ST7: variants seen among roughly 807,000 people sequenced by gnomAD.
The protein encoded by ST7 is suppressor of tumorigenicity 7 protein.
A neutral mutation model predicts 78.7 loss-of-function variants in ST7; 28 were observed. The observed-to-expected ratio is 0.36, with a 90% confidence interval of 0.26 to 0.49. ST7 has a LOEUF of 0.49. ST7 is among the 20% of genes least tolerant of loss of function. ST7 has a pLI of 0.99. For synonymous variants in ST7, 247 were observed against 249.6 expected, an observed-to-expected ratio of 0.99 and a Z score of 0.10; for missense variants, 418 against 696.0, an observed-to-expected ratio of 0.60 and a Z score of 4.49.
chr7:117,123,694 G>A (rs1398432266), intron 3 of ST7, among the ~76,000 whole-genome samples: 2 of 152,222 alleles, frequency 1.3e-5, no homozygotes, highest in East Asian at 1.9e-4. Context: ...ATGATAAATA[G>A]GCATTTAAAA....
intron 1 of ST7, among the ~76,000 whole-genome samples, chr7:116,976,706 C>A (rs752208358): frequency 1.3e-5 from 2 of 152,142 alleles, no homozygotes; most frequent in Non-Finnish European, 2.9e-5. Flanking sequence ...AGTTATCTGG[C>A]AATGATGTGG....
Position 117,069,942 on chromosome 7 carries a change from C to T in ST7, c.152-29820C>T, listed in dbSNP as rs1350352348. On this transcript the variant is annotated intron_variant, in intron 1 of 15. Coordinates refer to ENST00000323984, the MANE Select transcript of ST7 (RefSeq NM_001369598.1). The stretch of plus-strand genomic sequence containing the variant: ...AAATTAGGTTAATTTTGCACTTTAC[C>T]CTGCAATATATCCGTGATTACTTTA... Among the ~76,000 whole-genome samples, 4 of 152,242 alleles carry T rather than the reference C, an allele frequency of 2.6e-5. 1 individual carries two copies. In the South Asian group the frequency reaches 6.2e-4, roughly 24 times the overall value.
At position 117,138,289 on chromosome 7, in the gene ST7, A is replaced by T. The variant is rs1196608209; in HGVS notation, c.866-146A>T. 5 of 519,224 alleles carry T rather than the reference A, an allele frequency of 9.6e-6. No homozygotes were observed. In the East Asian group the frequency reaches 1.5e-4, roughly 16 times the overall value. The allele number at this position is 519,224 out of a possible 1,614,324, so 32.2% of individuals were successfully genotyped here. ...TTAGTCAGATGATTTGACCTTTGGG[A>T]GTCTAAGTGCTTTTACTTTACTTGA... On this transcript the variant is annotated intron_variant, in intron 8 of 15. Coordinates refer to ENST00000323984, the MANE Select transcript of ST7 (RefSeq NM_001369598.1).
rs1336006676 is a variant in ST7 at position 117,136,149 on chromosome 7, T to G, written c.779T>G (p.Phe260Cys). Residue 260 changes from phenylalanine (F) to cysteine (C), a missense_variant, in exon 8 of 16, where the codon TTT (phenylalanine) becomes TGT (cysteine). Physicochemically the swap from Phe to Cys is radical, Grantham distance 205 (BLOSUM62 -2). Transcript: ENST00000323984. ...ATTIAEAEKLFKQALKAGDGC... is the reference protein window; with the variant it reads ...ATTIAEAEKLCKQALKAGDGC... The stretch of plus-strand genomic sequence containing the variant: ...ACCATTGCTGAAGCAGAAAAATTAT[T>G]TAAGCAGGCCCTGAAGGCTGGAGAT... 2 of 1,613,464 alleles carry G rather than the reference T, an allele frequency of 1.2e-6. No individual in the cohort carries two copies. Among genetic ancestry groups the G allele is most frequent in the Non-Finnish European group, 1.7e-6 (2 of 1,179,694 alleles).
intron 12 of ST7, among the ~76,000 whole-genome samples, chr7:117,194,773 T>G (rs1051938281): frequency 6.6e-6 from 1 of 152,198 alleles, no homozygotes; most frequent in African/African-American, 2.4e-5. Flanking sequence ...TGCTGCATGC[T>G]CACTCTGCTC....
At chr7:117,040,962 C>T (rs945184340) in intron 1 of ST7, among the ~76,000 whole-genome samples, 1 of 152,150 alleles carries the variant, frequency 6.6e-6, no homozygotes, top group Non-Finnish European at 1.5e-5. Flanking sequence ...CTCTTCTTCC[C>T]TACTTCCTTC....
At chr7:116,977,779 C>A (rs1258473149) in intron 1 of ST7, among the ~76,000 whole-genome samples, 1 of 152,222 alleles carries the variant, frequency 6.6e-6, no homozygotes, top group Non-Finnish European at 1.5e-5. Flanking sequence ...GTCTCGATCT[C>A]TTGACCTCAT....
At position 117,219,030 on chromosome 7, in the gene ST7, G is replaced by C; in HGVS notation, c.1406-54G>C. ...GCTCAAACGCCCCTTTTTGCAGTTG[G>C]GAAGTTATGACACAAACATTGGACA... On this transcript the variant is annotated intron_variant, in intron 13 of 15. Coordinates refer to ENST00000323984, the MANE Select transcript of ST7 (RefSeq NM_001369598.1). The surrounding 1 kb of genome is among the most constrained non-coding windows in gnomAD (Gnocchi z 5.1). 2 of 1,464,970 alleles carry C rather than the reference G, an allele frequency of 1.4e-6. No homozygotes were observed. The highest frequency in any genetic ancestry group is 1.9e-6 in the Non-Finnish European group (2 of 1,061,452). The allele number at this position is 1,464,970 out of a possible 1,614,324, so 90.7% of individuals were successfully genotyped here.
chr7:116,997,955 C>A (rs879571944), intron 1 of ST7, among the ~76,000 whole-genome samples: 1 of 152,270 alleles, frequency 6.6e-6, no homozygotes, highest in Non-Finnish European at 1.5e-5. Flanking sequence ...CGCACTGGGG[C>A]TGCAGGTGGA....
In ST7 at chr7:117,020,644, C is replaced by A. The variant is rs1265850293; in HGVS notation, c.151+66953C>A. The A allele has an allele frequency of 1.5e-5, 24 of 1,550,820 alleles. No homozygotes were observed. The East Asian group carries it at 5.9e-4, about 38-fold the overall frequency. On this transcript the variant is annotated intron_variant, in intron 1 of 15. Transcript: ENST00000323984. ...TGAATCTTCATGTAAGTAAATGGAT[C>A]CCACTTCTCTGCTATTTAGAAATCT...
At chr7:117,132,340 A>G (rs2117028858) in intron 6 of ST7, among the ~76,000 whole-genome samples, 1 of 151,972 alleles carries the variant, frequency 6.6e-6, no homozygotes, top group Non-Finnish European at 1.5e-5. Flanking sequence ...GCTAGTGGGG[A>G]AAACATGATA....
chr7:116,953,778 C>A (rs1464273737), intron 1 of ST7, 87 bp downstream of exon 1: 257 of 1,007,366 alleles, frequency 2.6e-4, no homozygotes, highest in Non-Finnish European at 3.1e-4. Flanking sequence ...CGGCCAGGCG[C>A]GCGCTCGGGG....
intron 1 of ST7, among the ~76,000 whole-genome samples, chr7:117,032,306 T>C (rs1252091022): frequency 6.6e-6 from 1 of 152,158 alleles, no homozygotes; most frequent in Non-Finnish European, 1.5e-5. Flanking sequence ...GTTTGTCGTA[T>C]CTTAGGAAAT....
intron 1 of ST7, among the ~76,000 whole-genome samples, chr7:116,964,918 CTT>C (rs1793024323): frequency 6.6e-6 from 1 of 152,112 alleles, no homozygotes; most frequent in Admixed American, 6.5e-5. Flanking sequence ...TAAGAGAAAA[CTT>C]TTTCTTTCTC....
intron 11 of ST7, 129 bp downstream of exon 11, chr7:117,189,522 C>T (rs553527809): frequency 5.0e-5 from 29 of 574,680 alleles, no homozygotes; most frequent in Admixed American, 3.7e-4. Context: ...TTTTCCAAAA[C>T]CTGCTGTTCT....
intron 1 of ST7, among the ~76,000 whole-genome samples, chr7:117,023,207 C>G (rs1051915345): frequency 1.3e-5 from 2 of 152,066 alleles, no homozygotes; most frequent in African/African-American, 4.8e-5. Flanking sequence ...TACATTCTGT[C>G]TTACTGAAAT....
At chr7:117,019,711 T>A (rs1795784278) in intron 1 of ST7, among the ~76,000 whole-genome samples, 1 of 152,244 alleles carries the variant, frequency 6.6e-6, no homozygotes, top group Non-Finnish European at 1.5e-5. Flanking sequence ...AAGATTACTA[T>A]TTTACTGTTA....
At chr7:117,191,539 G>A (rs1349086724) in intron 12 of ST7, 1 of 152,068 alleles carries the variant, frequency 6.6e-6, no homozygotes, top group African/African-American at 2.4e-5. Flanking sequence ...GATTTTAAGG[G>A]AATCAAATCA....
chr7:117,202,887 G>T (rs184026077), intron 12 of ST7, among the ~76,000 whole-genome samples: 5 of 152,180 alleles, frequency 3.3e-5, no homozygotes, highest in African/African-American at 1.2e-4. Flanking sequence ...CTCAGTATCT[G>T]CAGGGGATTG....
Sources: gnomAD v4.1 joint callset for allele counts (sites outside exome capture counted in the v4.1 genomes callset) on GRCh38, gnomAD v4.1.1 for gene constraint, Gnocchi (gnomAD v3.1) non-coding constraint, MANE v1.5 for transcripts, NCBI Gene and HGNC (gene_info 2026-07-23, HGNC 2026-07-21) for gene names.